Variants in EIF2B5 observed in about 807,000 individuals in gnomAD.
The protein encoded by EIF2B5 is translation initiation factor eIF2B subunit epsilon.
A neutral mutation model predicts 87.3 loss-of-function variants in EIF2B5; 38 were observed. The observed-to-expected ratio is 0.44, with a 90% CI of 0.34 to 0.57. EIF2B5 has a LOEUF of 0.57. Among genes scored for constraint, EIF2B5 ranks in the 20% least tolerant of loss-of-function variants. The probability of loss-of-function intolerance (pLI) is 0.02; values close to 1 mark genes in which losing one functional copy is unlikely to be tolerated. For synonymous variants in EIF2B5, 313 were observed against 339.6 expected, an observed-to-expected ratio of 0.92 and a Z score of 0.86; for missense variants, 784 against 909.5, an observed-to-expected ratio of 0.86 and a Z score of 1.78.
At chr3:184,140,276 G>C in intron 6 of EIF2B5, 119 bp downstream of exon 6, 1 of 1,388,770 alleles carries the variant, frequency 7.2e-7, no homozygotes, top group South Asian at 1.2e-5. Flanking sequence ...GGAAAAGCAG[G>C]GGACAGGAGG....
Position 184,142,429 on chromosome 3 carries a change from A to G in EIF2B5, c.1444+51A>G, listed in dbSNP as rs1466671162. The stretch of plus-strand genomic sequence containing the variant: ...ATCTGTGTGTCTCGCTGCCTCATAG[A>G]AGAACCAGTGTTTCCTCCTGGAGGG... On this transcript the variant is annotated intron_variant, in intron 9 of 15. Transcript: ENST00000648915. The surrounding 1 kb of genome is among the most constrained non-coding windows in gnomAD (Gnocchi z 5.0). 6.8e-6 allele frequency: 11 copies of G among 1,614,028 alleles called. No individual in the cohort carries two copies. In the Admixed American group the frequency reaches 1.7e-4, roughly 24 times the overall value.
In EIF2B5 at chr3:184,144,074, T is replaced by A. The variant is rs775837095; in HGVS notation, c.1870-25T>A. On this transcript the variant is annotated intron_variant, in intron 13 of 15. Coordinates refer to ENST00000648915, the MANE Select transcript of EIF2B5 (RefSeq NM_003907.3). ...TATAGGTGAATGCTTAGGAATATAC[T>A]GCAGCTCCCTTCTTTCTTCCATAGC... The A allele has an allele frequency of 6.8e-6, 11 of 1,614,106 alleles. No homozygotes were observed. In the African/African-American group the frequency reaches 1.5e-4, roughly 22 times the overall value.
chr3:184,142,487 C>T lies in EIF2B5; in HGVS notation c.1445-15C>T. The T allele has an allele frequency of 6.2e-7, 1 of 1,614,046 alleles. No homozygotes were observed. The highest frequency in any genetic ancestry group is 8.5e-7 in the Non-Finnish European group (1 of 1,180,012). ...CTTCCGCCGGGCCCTCTCTATAGAT[C>T]ATTGCCTTTTCCAGGTTACAATCCA... On this transcript the variant is annotated splice_polypyrimidine_tract_variant and intron_variant, in intron 9 of 15. Coordinates refer to ENST00000648915, the MANE Select transcript of EIF2B5 (RefSeq NM_003907.3). This position sits in a 1 kb window ranked among gnomAD's most constrained non-coding sequence, Gnocchi z 5.0.
At chr3:184,135,794 G>A in intron 1 of EIF2B5, 1 of 642,986 alleles carries the variant, frequency 1.6e-6, no homozygotes, top group Non-Finnish European at 2.7e-6. Flanking sequence ...GTCCACCTCG[G>A]GTTTGAAAGG....
At position 184,142,564 on chromosome 3, in the gene EIF2B5, A is replaced by T. The variant is rs1457969966; in HGVS notation, c.1507A>T (p.Asn503Tyr). 1.2e-6 allele frequency: 2 copies of T among 1,614,038 alleles called. No individual in the cohort carries two copies. The highest frequency in any genetic ancestry group is 2.2e-5 in the South Asian group (2 of 91,086). ...KGYLWKAAGM[N>Y]MEEEEELQQN... Reference sequence around the variant, plus strand: ...CTACCTCTGGAAAGCTGCAGGCATGAACATGGAGGAAGAGGAGGAACTGCA... The same window carrying T: ...CTACCTCTGGAAAGCTGCAGGCATGTACATGGAGGAAGAGGAGGAACTGCA... Residue 503 changes from asparagine (N) to tyrosine (Y), a missense_variant, in exon 10 of 16, where the codon AAC (asparagine) becomes TAC (tyrosine). By Grantham distance (143) the Asn-to-Tyr change is moderately radical (BLOSUM62 -2). Around this residue, in one of 3 missense-constraint regions of EIF2B5, gnomAD observed 660 missense variants for 789.5 expected, o/e 0.84. Coordinates refer to ENST00000648915, the MANE Select transcript of EIF2B5 (RefSeq NM_003907.3). This position sits in a 1 kb window ranked among gnomAD's most constrained non-coding sequence, Gnocchi z 5.0.
At position 184,143,542 on chromosome 3, in the gene EIF2B5, C is replaced by T. The variant is rs141051096; in HGVS notation, c.1846C>T (p.Arg616Cys). 21 of 1,614,172 alleles carry T rather than the reference C, an allele frequency of 1.3e-5. No homozygotes were observed. The highest frequency in any genetic ancestry group is 5.5e-5 in the South Asian group (5 of 91,084). The change falls in exon 13 of 16, where the codon CGC (arginine) becomes TGC (cysteine). Residue 616 changes from arginine to cysteine, a missense_variant. Physicochemically the swap from Arg to Cys is radical, Grantham distance 180. This residue lies in a region of EIF2B5 where 660 missense variants were observed against 789.5 expected (regional missense o/e 0.84). Transcript: ENST00000648915. ...QQMDSPLDSSRYCALLLPLLK... is the reference protein window; with the variant it reads ...QQMDSPLDSSCYCALLLPLLK... ...GATGGATTCCCCGCTTGACTCAAGC[C>T]GCTACTGTGCCCTGCTGCTTCCTGT...
Position 184,144,686 on chromosome 3 carries a change from G to GC in EIF2B5, c.2086dup (p.Gln696ProfsTer24). ...AAAGAGATACAACTGACAAGGGCCA[G>GC]CAGTTGCGCAAGAATCAACAGGTGC... On this transcript the variant is annotated frameshift_variant, in exon 15 of 16. Coordinates refer to ENST00000648915, the MANE Select transcript of EIF2B5 (RefSeq NM_003907.3). LOFTEE classifies it high-confidence loss of function. 1.9e-6 allele frequency: 3 copies of GC among 1,614,042 alleles called. No homozygotes were observed. Among genetic ancestry groups the GC allele is most frequent in the Non-Finnish European group, 2.5e-6 (3 of 1,179,966 alleles).
chr3:184,137,885 C>T lies in EIF2B5; in HGVS notation c.507-13C>T. The T allele has an allele frequency of 6.2e-7, 1 of 1,614,206 alleles. No homozygotes were observed. The highest frequency in any genetic ancestry group is 1.3e-5 in the African/African-American group (1 of 75,054). ...CTGCTTTTTTGCAGTTCTGTCCCTC[C>T]TGTCCTTTATAGGTTGAGACGGAAG... On this transcript the variant is annotated splice_polypyrimidine_tract_variant and intron_variant, in intron 3 of 15. Coordinates refer to ENST00000648915, the MANE Select transcript of EIF2B5 (RefSeq NM_003907.3).
chr3:184,138,387 C>G (rs978767721), intron 5 of EIF2B5, 141 bp downstream of exon 5: 2 of 845,624 alleles, frequency 2.4e-6, no homozygotes, highest in Non-Finnish European at 3.8e-6. Context: ...GACAGAGTCT[C>G]GCTCTGTTGC....
chr3:184,143,084 C>T lies in EIF2B5; in HGVS notation c.1687C>T (p.Arg563Trp), dbSNP rs1228837438. ...FQNEVLGTLQ[R>W]GKEENISCDN... ...GAATGAAGTTTTAGGAACACTACAG[C>T]GGGGCAAAGAGGAGAACATTTCTTG... Residue 563 changes from arginine (R) to tryptophan (W), a missense_variant, in exon 12 of 16, where the codon CGG becomes TGG. Around this residue, in one of 3 missense-constraint regions of EIF2B5, gnomAD observed 660 missense variants for 789.5 expected, o/e 0.84. Transcript: ENST00000648915. 16 of 1,613,762 alleles carry T rather than the reference C, an allele frequency of 9.9e-6. No individual in the cohort carries two copies. The highest frequency in any genetic ancestry group is 4.5e-5 in the East Asian group (2 of 44,890).
At position 184,144,570 on chromosome 3, in the gene EIF2B5, G is replaced by A. The variant is rs867323008; in HGVS notation, c.1996-27G>A. The A allele has an allele frequency of 3.0e-5, 48 of 1,602,128 alleles. No individual in the cohort carries two copies. In the Middle Eastern group the frequency reaches 7.0e-4, roughly 23 times the overall value. On this transcript the variant is annotated intron_variant, in intron 14 of 15. Coordinates refer to ENST00000648915, the MANE Select transcript of EIF2B5 (RefSeq NM_003907.3). The stretch of plus-strand genomic sequence containing the variant: ...TCCTGCTGGACTTTCCAAGGCCCCT[G>A]AGGTCCCCTTTATTGGCCTTTTGCA...
rs764431870 is a variant in EIF2B5, at chr3:184,142,110, A to T, written c.1302+40A>T. On this transcript the variant is annotated intron_variant, in intron 8 of 15. Coordinates refer to ENST00000648915, the MANE Select transcript of EIF2B5 (RefSeq NM_003907.3). The surrounding 1 kb of genome is among the most constrained non-coding windows in gnomAD (Gnocchi z 5.0). ...ATACTGTGCACAGGCCCTGAATTGC[A>T]TGGCAGTCACACTGAGCCAGAAGGG... The T allele has an allele frequency of 1.2e-6, 2 of 1,614,112 alleles. No homozygotes were observed. Among genetic ancestry groups the T allele is most frequent in the South Asian group, 2.2e-5 (2 of 91,032 alleles).
chr3:184,144,187 T>C lies in EIF2B5; in HGVS notation c.1958T>C (p.Phe653Ser). 6.2e-7 allele frequency: 1 copy of C among 1,614,192 alleles called. No individual in the cohort carries two copies. Among genetic ancestry groups the C allele is most frequent in the Non-Finnish European group, 8.5e-7 (1 of 1,180,040 alleles). The change falls in exon 14 of 16, where the codon TTC becomes TCC. Residue 653 changes from phenylalanine (F) to serine (S), a missense_variant. Physicochemically the swap from Phe to Ser is radical, Grantham distance 155 (BLOSUM62 -2). Transcript: ENST00000648915. ...GCGTTAGCAGCCATTGAGGACTTCT[T>C]CCTAGAGCATGAAGCTCTTGGTATT... ...LEALAAIEDF[F>S]LEHEALGISM...
At chr3:184,143,201 C>G in intron 12 of EIF2B5, 59 bp downstream of exon 12, 4 of 1,576,374 alleles carry the variant, frequency 2.5e-6, no homozygotes, top group Non-Finnish European at 3.5e-6. Flanking sequence ...GAGGCTTTCT[C>G]GTAAGTGTTT....
intron 1 of EIF2B5, 53 bp from the exon 2 acceptor site, chr3:184,136,559 G>A: frequency 1.2e-6 from 2 of 1,611,236 alleles, no homozygotes; most frequent in African/African-American, 1.3e-5. Flanking sequence ...GTTGCAGTGG[G>A]GTACCCAAAG....
chr3:184,136,743 C>T lies in EIF2B5; in HGVS notation c.320+7C>T. ...AAATCAAAGAACATTTACTGTAAGGCCCTGCAACTTTTCTTTCCATGTTTC... is the reference window on the plus strand; with the variant it reads ...AAATCAAAGAACATTTACTGTAAGGTCCTGCAACTTTTCTTTCCATGTTTC... On this transcript the variant is annotated splice_region_variant and intron_variant, in intron 2 of 15. Transcript: ENST00000648915. The T allele has an allele frequency of 3.1e-6, 5 of 1,614,132 alleles. No individual in the cohort carries two copies. The highest frequency in any genetic ancestry group is 4.2e-6 in the Non-Finnish European group (5 of 1,180,016).
rs1196978595 is a variant in EIF2B5, at chr3:184,139,270, ATTTTTTTTTTT to A, written c.766-792_766-782del. Among the ~76,000 whole-genome samples the A allele has an allele frequency of 2.3e-4, 11 of 48,018 alleles. No homozygotes were observed. The East Asian group carries it at 4.2e-3, about 18-fold the overall frequency. The allele number at this position is 48,018 out of a possible 152,430, so 31.5% of individuals were successfully genotyped here. ...ACAGGTGTGAGCCTCTGCACCCAGCATTTTTTTTTTTTTTTTTTTTTTTTTTTTGAGTCGGA... is the reference window on the plus strand; with the variant it reads ...ACAGGTGTGAGCCTCTGCACCCAGCATTTTTTTTTTTTTTTTTGAGTCGGA... On this transcript the variant is annotated intron_variant, in intron 5 of 15. Coordinates refer to ENST00000648915, the MANE Select transcript of EIF2B5 (RefSeq NM_003907.3).
Position 184,142,335 on chromosome 3 carries a change from T to G in EIF2B5, c.1401T>G (p.Asp467Glu), listed in dbSNP as rs1713675929. 1 of 1,614,042 alleles carries G rather than the reference T, an allele frequency of 6.2e-7. No individual in the cohort carries two copies. The highest frequency in any genetic ancestry group is 1.7e-5 in the Admixed American group (1 of 59,994). Residue 467 changes from aspartate (D) to glutamate (E), a missense_variant, in exon 9 of 16, where the codon GAT (aspartate) becomes GAG (glutamate). By Grantham distance (45) the Asp-to-Glu change is conservative. Transcript: ENST00000648915. This position sits in a 1 kb window ranked among gnomAD's most constrained non-coding sequence, Gnocchi z 5.0. ...ATGAAGATGATGGCGAGTTCAGTGA[T>G]GATTCTGGGGCTGACCAAGAAAAGG... Reference protein sequence around the residue: ...EEDEDDGEFSDDSGADQEKDK... With the variant: ...EEDEDDGEFSEDSGADQEKDK...
chr3:184,138,386 T>A, intron 5 of EIF2B5, 140 bp downstream of exon 5: 2 of 859,622 alleles, frequency 2.3e-6, no homozygotes, highest in African/African-American at 1.7e-5. Context: ...AGACAGAGTC[T>A]CGCTCTGTTG....
Sources: allele counts gnomAD v4.1 joint callset (sites outside exome capture counted in the v4.1 genomes callset), GRCh38; gene constraint gnomAD v4.1.1; regional missense constraint gnomAD v4.1.1; non-coding constraint Gnocchi (gnomAD v3.1); transcripts MANE v1.5; gene names NCBI Gene and HGNC (gene_info 2026-07-23, HGNC 2026-07-21).